The following PPARD variants were observed in gnomAD, a reference collection of about 807,000 sequenced individuals.
PPARD encodes the protein peroxisome proliferator-activated receptor delta.
A neutral mutation model predicts 39.5 loss-of-function variants in PPARD; 6 were observed. That is an observed-to-expected ratio of 0.15 (90% CI 0.08 to 0.30). The LOEUF (loss-of-function observed/expected upper bound fraction) is 0.30, where lower values mean the gene tolerates loss of function less well. Ranked by LOEUF, PPARD falls within the 10% of genes least tolerant of loss-of-function variation. The pLI is 1.00. For missense variants in PPARD, 397 were observed against 596.8 expected (o/e 0.67, Z 3.49); for synonymous variants, 210 against 231.3 (o/e 0.91, Z 0.83).
rs907494992 is a variant in PPARD at position 35,363,620 on chromosome 6, G to A, written c.-102+16470G>A. 1.3e-5 allele frequency among the ~76,000 whole-genome samples: 2 copies of A among 152,170 alleles called. No individual in the cohort carries two copies. The highest frequency in any genetic ancestry group is 2.4e-5 in the African/African-American group (1 of 41,524). Reference sequence around the variant, plus strand: ...CAGGAAAGGGTGGATCCAGTGAGGCGGGGGCCAGGCCTTGCCCAAGAGTCA... The same window carrying A: ...CAGGAAAGGGTGGATCCAGTGAGGCAGGGGCCAGGCCTTGCCCAAGAGTCA... On this transcript the variant is annotated intron_variant, in intron 2 of 7. Coordinates refer to ENST00000360694, the MANE Select transcript of PPARD (RefSeq NM_006238.5). The surrounding 1 kb of genome is among the most constrained non-coding windows in gnomAD (Gnocchi z 4.5).
chr6:35,362,063 ATATAT>A (rs1357342572), intron 2 of PPARD, among the ~76,000 whole-genome samples: 4 of 152,208 alleles, frequency 2.6e-5, no homozygotes, highest in South Asian at 2.1e-4. Context: ...GAAAAAAGTA[ATATAT>A]TATCACACAT....
chr6:35,399,445 C>A (rs955159749), intron 2 of PPARD, among the ~76,000 whole-genome samples: 30 of 149,970 alleles, frequency 2.0e-4, no homozygotes, highest in Non-Finnish European at 3.7e-4. Context: ...GTGGCTCATG[C>A]CTGTAATTCC....
At chr6:35,359,412 A>T (rs1761806727) in intron 2 of PPARD, among the ~76,000 whole-genome samples, 1 of 152,172 alleles carries the variant, frequency 6.6e-6, no homozygotes, top group Middle Eastern at 3.2e-3. Flanking sequence ...AAGAGGGGGA[A>T]AAAGCAGCCT....
Position 35,403,510 on chromosome 6 carries a change from C to T in PPARD, c.-101-7477C>T, listed in dbSNP as rs1218534835. Among the ~76,000 whole-genome samples, 10 of 151,842 alleles carry T rather than the reference C, an allele frequency of 6.6e-5. No homozygotes were observed. In the East Asian group the frequency reaches 1.2e-3, roughly 18 times the overall value. On this transcript the variant is annotated intron_variant, in intron 2 of 7. Coordinates refer to ENST00000360694, the MANE Select transcript of PPARD (RefSeq NM_006238.5). ...ACTGATACAGTGGCAAGTGCTACAA[C>T]TCAGAATAGTGTGGCTAAGGCTCAT...
At chr6:35,399,736 C>T (rs1271609353) in intron 2 of PPARD, among the ~76,000 whole-genome samples, 1 of 152,202 alleles carries the variant, frequency 6.6e-6, no homozygotes, top group Non-Finnish European at 1.5e-5. Context: ...CCTCTTCATA[C>T]AGGGGAACTT....
At chr6:35,416,280 A>T (rs1394163283) in intron 3 of PPARD, among the ~76,000 whole-genome samples, 1 of 141,174 alleles carries the variant, frequency 7.1e-6, no homozygotes, top group African/African-American at 2.6e-5. Context: ...GGGCTGAGGC[A>T]GGAGAATCGC....
chr6:35,381,095 C>T (rs1168426982), intron 2 of PPARD, among the ~76,000 whole-genome samples: 1 of 152,006 alleles, frequency 6.6e-6, no homozygotes, highest in Non-Finnish European at 1.5e-5. Flanking sequence ...TTCCTGCTCC[C>T]CTCCTGCCTC....
intron 2 of PPARD, among the ~76,000 whole-genome samples, chr6:35,376,729 G>A (rs1762832567): frequency 6.6e-6 from 1 of 152,034 alleles, no homozygotes; most frequent in South Asian, 2.1e-4. Flanking sequence ...CTTAAGAAAG[G>A]GTGACCTCCC....
At position 35,363,494 on chromosome 6, in the gene PPARD, C is replaced by T. The variant is rs1420918222; in HGVS notation, c.-102+16344C>T. On this transcript the variant is annotated intron_variant, in intron 2 of 7. Coordinates refer to ENST00000360694, the MANE Select transcript of PPARD (RefSeq NM_006238.5). This position sits in a 1 kb window ranked among gnomAD's most constrained non-coding sequence, Gnocchi z 4.5. The stretch of plus-strand genomic sequence containing the variant: ...CTCAGCTGACACACGCTTGTAACTA[C>T]AGCCCTGGCCATTGGACGGCTCATC... Among the ~76,000 whole-genome samples, 3 of 152,238 alleles carry T rather than the reference C, an allele frequency of 2.0e-5. No individual in the cohort carries two copies. The highest frequency in any genetic ancestry group is 4.4e-5 in the Non-Finnish European group (3 of 68,042).
intron 2 of PPARD, among the ~76,000 whole-genome samples, chr6:35,396,824 T>C (rs1198692694): frequency 6.6e-6 from 1 of 152,048 alleles, no homozygotes; most frequent in Non-Finnish European, 1.5e-5. Context: ...AGTGAGACTC[T>C]GTCTCAATAA....
intron 2 of PPARD, among the ~76,000 whole-genome samples, chr6:35,396,869 C>T (rs945439525): frequency 4.6e-5 from 7 of 152,084 alleles, no homozygotes; most frequent in Non-Finnish European, 1.0e-4. Context: ...CTGTGTTGCC[C>T]AGGGTGGTCT....
intron 2 of PPARD, chr6:35,349,003 G>A: frequency 1.0e-6 from 1 of 985,166 alleles, no homozygotes; most frequent in Non-Finnish European, 1.2e-6. Flanking sequence ...CCCAGTCGCA[G>A]GTAGGAACTT....
At chr6:35,405,600 A>G (rs576902891) in intron 2 of PPARD, among the ~76,000 whole-genome samples, 2 of 149,546 alleles carry the variant, frequency 1.3e-5, no homozygotes, top group Non-Finnish European at 3.0e-5. Flanking sequence ...TTGCCGGCAT[A>G]CAAATTAAAC....
At chr6:35,365,130 C>CT (rs551946022) in intron 2 of PPARD, among the ~76,000 whole-genome samples, 1,878 of 120,986 alleles carry the variant, frequency 0.016, 62 homozygotes, top group African/African-American at 0.032. Flanking sequence ...CTTCCTTATT[C>CT]TTTTTTTTTT....
chr6:35,346,940 G>A, intron 1 of PPARD, 127 bp from the exon 2 acceptor site: 6 of 589,368 alleles, frequency 1.0e-5, no homozygotes, highest in South Asian at 2.1e-5. Context: ...GTGTGTAAGG[G>A]ACCGACGAGG....
intron 2 of PPARD, chr6:35,348,587 G>A: frequency 2.0e-6 from 2 of 985,442 alleles, no homozygotes; most frequent in Middle Eastern, 5.2e-4. Flanking sequence ...AAGTTCAGTG[G>A]TTCCAGTAGC....
chr6:35,348,300 T>G, intron 2 of PPARD: 1 of 950,236 alleles, frequency 1.1e-6, no homozygotes, highest in Non-Finnish European at 1.3e-6. Context: ...CATGGGTCTG[T>G]GGTTTGCTGG....
At chr6:35,397,966 G>T (rs138920767) in intron 2 of PPARD, among the ~76,000 whole-genome samples, 1 of 152,158 alleles carries the variant, frequency 6.6e-6, no homozygotes, top group Non-Finnish European at 1.5e-5. Context: ...GAGAAAAGCC[G>T]CTGCAAAGGC....
At chr6:35,402,409 C>T (rs962377910) in intron 2 of PPARD, among the ~76,000 whole-genome samples, 1 of 152,156 alleles carries the variant, frequency 6.6e-6, no homozygotes, top group Non-Finnish European at 1.5e-5. Context: ...TCTGGGTGCC[C>T]CTTTCTCCCT....
Sources: allele counts gnomAD v4.1 joint callset (sites outside exome capture counted in the v4.1 genomes callset), GRCh38; gene constraint gnomAD v4.1.1; non-coding constraint Gnocchi (gnomAD v3.1); transcripts MANE v1.5; gene names NCBI Gene and HGNC (gene_info 2026-07-23, HGNC 2026-07-21).